The following ICE1 variants were observed in gnomAD, a reference collection of about 807,000 sequenced individuals.
ICE1 encodes interactor of little elongation complex ELL subunit 1, also known as little elongation complex subunit 1.
A neutral mutation model predicts 192.7 loss-of-function variants in ICE1; 64 were observed. The observed-to-expected ratio is 0.33, with a 90% CI of 0.27 to 0.41. ICE1 has a LOEUF of 0.41. ICE1 is among the 10% of genes least tolerant of loss of function. The pLI, the probability that ICE1 is intolerant of heterozygous loss-of-function variation, is 1.00. For synonymous variants in ICE1, 1,010 were observed against 984.5 expected (o/e 1.03, Z -0.49); for missense variants, 2,708 against 2,696.0 (o/e 1.00, Z -0.10).
rs1192586532 is a variant in ICE1, at chr5:5,463,106, ACT to A, written c.3775_3776del (p.Leu1259ValfsTer2). ...TSQLTQCSLE[T>X]LSEVLTKIRQ... ...TCAGCTCACTCAGTGTTCTTTGGAAACTCTGTCTGAGGTTCTGACCAAGATTA... is the reference window on the plus strand; with the variant it reads ...TCAGCTCACTCAGTGTTCTTTGGAAACTGTCTGAGGTTCTGACCAAGATTA... On this transcript the variant is annotated frameshift_variant, in exon 13 of 19. Coordinates refer to ENST00000296564, the MANE Select transcript of ICE1 (RefSeq NM_015325.3). LOFTEE classifies it high-confidence loss of function. The A allele has an allele frequency of 9.3e-6, 15 of 1,613,200 alleles. No homozygotes were observed. In the Admixed American group the frequency reaches 1.5e-4, roughly 16 times the overall value.
At position 5,454,650 on chromosome 5, in the gene ICE1, G is replaced by A. The variant is rs768067279; in HGVS notation, c.691+12G>A. On this transcript the variant is annotated intron_variant, in intron 11 of 18. Coordinates refer to ENST00000296564, the MANE Select transcript of ICE1 (RefSeq NM_015325.3). Reference sequence around the variant, plus strand: ...CAGGTGTGTCCCAGGTGAGAGAGAAGCTTACAGAAACCGATTTCATATGTG... The same window carrying A: ...CAGGTGTGTCCCAGGTGAGAGAGAAACTTACAGAAACCGATTTCATATGTG... The A allele has an allele frequency of 6.2e-7, 1 of 1,609,282 alleles. No homozygotes were observed.
intron 1 of ICE1, among the ~76,000 whole-genome samples, chr5:5,426,031 C>G (rs1478385999): frequency 3.3e-5 from 5 of 152,202 alleles, no homozygotes; most frequent in Non-Finnish European, 1.5e-5. Flanking sequence ...GGAATGACAT[C>G]AGAACTAGGA....
chr5:5,477,036 C>T (rs1160544594), intron 17 of ICE1, among the ~76,000 whole-genome samples: 1 of 151,958 alleles, frequency 6.6e-6, no homozygotes, highest in Non-Finnish European at 1.5e-5. Flanking sequence ...TTTTACTTAT[C>T]TCCTATGAAT....
At position 5,460,785 on chromosome 5, in the gene ICE1, C is replaced by T. The variant is rs1367431213; in HGVS notation, c.1451C>T (p.Thr484Ile). The T allele has an allele frequency of 2.5e-6, 4 of 1,613,854 alleles. No individual in the cohort carries two copies. The highest frequency in any genetic ancestry group is 1.3e-5 in the African/African-American group (1 of 74,918). Residue 484 changes from threonine to isoleucine, a missense_variant, in exon 13 of 19, where the codon ACA becomes ATA. Physicochemically the swap from Thr to Ile is moderately conservative, Grantham distance 89. This residue lies in a region of ICE1 where 2,366 missense variants were observed against 2,276.6 expected (regional missense o/e 1.04). Transcript: ENST00000296564. ...RKRDILHETK[T>I]QMEVREMDKS... ...AGAGACATTTTACATGAGACAAAAACACAAATGGAGGTTAGGGAGATGGAT... is the reference window on the plus strand; with the variant it reads ...AGAGACATTTTACATGAGACAAAAATACAAATGGAGGTTAGGGAGATGGAT...
rs745758576 is a variant in ICE1 at position 5,454,535 on chromosome 5, T to G, written c.605-17T>G. On this transcript the variant is annotated splice_polypyrimidine_tract_variant and intron_variant, in intron 10 of 18. Transcript: ENST00000296564. ...GAGCCAAATGACGTGACTTTAATGC[T>G]TTGCTCTGTTTCACAGGAAAAGTGA... 16 of 1,601,122 alleles carry G rather than the reference T, an allele frequency of 1.0e-5. No individual in the cohort carries two copies. The Admixed American group carries it at 2.0e-4, about 20-fold the overall frequency.
At chr5:5,444,469 T>G (rs1475978043) in intron 7 of ICE1, 143 bp downstream of exon 7, 1 of 582,086 alleles carries the variant, frequency 1.7e-6, no homozygotes, top group Non-Finnish European at 3.0e-6. Flanking sequence ...AAGGGGTCTA[T>G]TAGAAAGAAG....
intron 7 of ICE1, among the ~76,000 whole-genome samples, chr5:5,446,272 A>C (rs1370733760): frequency 6.6e-6 from 1 of 151,046 alleles, no homozygotes; most frequent in Non-Finnish European, 1.5e-5. Flanking sequence ...CTGATACTAC[A>C]GGTGTGAGCC....
intron 15 of ICE1, among the ~76,000 whole-genome samples, chr5:5,469,827 T>C (rs925885978): frequency 6.6e-6 from 1 of 152,192 alleles, no homozygotes; most frequent in South Asian, 2.1e-4. Context: ...TCAATCTATC[T>C]AGACACAACA....
rs756139999 is a variant in ICE1, at chr5:5,463,246, A to G, written c.3912A>G (p.Pro1304=). 32 of 1,612,650 alleles carry G rather than the reference A, an allele frequency of 2.0e-5. No homozygotes were observed. In the East Asian group the frequency reaches 4.0e-4, roughly 20 times the overall value. ...CTGAGAATTTAAAAGAGAAAAGTCC[A>G]TTTCGGGAAACGACTGGCTCCTCAT... ...MTTENLKEKS[P]FRETTGSSSH... is the part of the protein sequence containing the mutation. The change falls in exon 13 of 19, where the codon CCA becomes CCG. Residue 1304 remains proline, a synonymous_variant. Transcript: ENST00000296564.
intron 1 of ICE1, among the ~76,000 whole-genome samples, chr5:5,424,880 A>T (rs1384368122): frequency 1.3e-5 from 2 of 152,140 alleles, no homozygotes; most frequent in Non-Finnish European, 2.9e-5. Context: ...GAATGCTGGG[A>T]GTCAGGAAGG....
At chr5:5,426,406 C>A (rs1026256967) in intron 1 of ICE1, among the ~76,000 whole-genome samples, 1 of 150,720 alleles carries the variant, frequency 6.6e-6, no homozygotes, top group African/African-American at 2.5e-5. Flanking sequence ...GATGGTGCCA[C>A]CACTGCACTC....
intron 7 of ICE1, among the ~76,000 whole-genome samples, 158 bp downstream of exon 7, chr5:5,444,484 A>T (rs1738150074): frequency 6.6e-6 from 1 of 152,206 alleles, no homozygotes; most frequent in African/African-American, 2.4e-5. Context: ...AAGAAGTGTG[A>T]ATACTACTCT....
chr5:5,440,704 A>G (rs1178358387), intron 4 of ICE1, among the ~76,000 whole-genome samples: 1 of 152,020 alleles, frequency 6.6e-6, no homozygotes, highest in South Asian at 2.1e-4. Context: ...CAAATAGTAA[A>G]TAGTACTACT....
chr5:5,461,879 A>T lies in ICE1; in HGVS notation c.2545A>T (p.Thr849Ser). The change falls in exon 13 of 19, where the codon ACC (threonine) becomes TCC (serine). Residue 849 changes from threonine to serine, a missense_variant. Physicochemically the swap from Thr to Ser is moderately conservative, Grantham distance 58. Around this residue, in one of 2 missense-constraint regions of ICE1, gnomAD observed 2,366 missense variants for 2,276.6 expected, o/e 1.04. Coordinates refer to ENST00000296564, the MANE Select transcript of ICE1 (RefSeq NM_015325.3). ...RENNNPVEFK[T>S]TASVLPNQVS... ...AAATAACAATCCTGTAGAATTCAAG[A>T]CCACTGCATCGGTGTTGCCTAATCA... 1 of 1,613,914 alleles carries T rather than the reference A, an allele frequency of 6.2e-7. No homozygotes were observed. Among genetic ancestry groups the T allele is most frequent in the Non-Finnish European group, 8.5e-7 (1 of 1,179,890 alleles).
Position 5,466,698 on chromosome 5 carries a change from A to G in ICE1, c.6061+196A>G, listed in dbSNP as rs566041536. 8.5e-5 allele frequency among the ~76,000 whole-genome samples: 13 copies of G among 152,202 alleles called. No homozygotes were observed. The East Asian group carries it at 2.3e-3, about 27-fold the overall frequency. ...TTACTTATATCAGCACTATATTTCC[A>G]CTTGTAAATAAATGAGTATCTCTCA... On this transcript the variant is annotated intron_variant, in intron 14 of 18. Coordinates refer to ENST00000296564, the MANE Select transcript of ICE1 (RefSeq NM_015325.3).
chr5:5,465,731 G>A (rs939883184), intron 13 of ICE1, among the ~76,000 whole-genome samples: 17 of 152,050 alleles, frequency 1.1e-4, no homozygotes, highest in African/African-American at 4.1e-4. Flanking sequence ...AGTGCTAGAC[G>A]GATCACACTT....
rs772695442 is a variant in ICE1 at position 5,473,533 on chromosome 5, T to G, written c.6223-25T>G. 3.3e-5 allele frequency: 52 copies of G among 1,590,206 alleles called. 1 individual carries two copies. The East Asian group carries it at 1.1e-3, about 34-fold the overall frequency. ...GCATTCTATTTGAAACTCCAGATTTTATTTTATTTCTTTTCATTTGCTAGA... is the reference window on the plus strand; with the variant it reads ...GCATTCTATTTGAAACTCCAGATTTGATTTTATTTCTTTTCATTTGCTAGA... On this transcript the variant is annotated intron_variant, in intron 15 of 18. Transcript: ENST00000296564.
chr5:5,443,774 C>T (rs910885469), intron 6 of ICE1, among the ~76,000 whole-genome samples: 1 of 152,172 alleles, frequency 6.6e-6, no homozygotes, highest in African/African-American at 2.4e-5. Context: ...CAAATGTGAG[C>T]TATACATAAA....
rs368892418 is a variant in ICE1, at chr5:5,462,517, T to A, written c.3183T>A (p.Pro1061=). Residue 1061 remains proline (P), a synonymous_variant, in exon 13 of 19, where the codon CCT becomes CCA. Coordinates refer to ENST00000296564, the MANE Select transcript of ICE1 (RefSeq NM_015325.3). The part of the protein sequence containing the change: ...LKSTTPGGAL[P]ECFGTTDTTF... The stretch of plus-strand genomic sequence containing the variant: ...CTACAACTCCCGGTGGTGCTTTGCC[T>A]GAGTGTTTTGGCACCACAGACACTA... 10 of 1,613,894 alleles carry A rather than the reference T, an allele frequency of 6.2e-6. No homozygotes were observed. The highest frequency in any genetic ancestry group is 1.7e-5 in the Admixed American group (1 of 60,004).
Sources: gnomAD v4.1 joint callset for allele counts (sites outside exome capture counted in the v4.1 genomes callset) on GRCh38, gnomAD v4.1.1 for gene constraint, gnomAD v4.1.1 regional missense constraint, MANE v1.5 for transcripts, NCBI Gene and HGNC (gene_info 2026-07-23, HGNC 2026-07-21) for gene names.